CDH10: variants seen among roughly 807,000 people sequenced by gnomAD.
The protein encoded by CDH10 is cadherin 10.
CDH10 carries 30 observed loss-of-function variants against 73.1 expected under a neutral mutation model. That is an observed-to-expected ratio of 0.41 (90% CI 0.31 to 0.56). The LOEUF (loss-of-function observed/expected upper bound fraction) is 0.56, where lower values mean the gene tolerates loss of function less well. Ranked by LOEUF, CDH10 falls within the 20% of genes least tolerant of loss-of-function variation. The probability of loss-of-function intolerance (pLI) is 0.27; values close to 1 mark genes in which losing one functional copy is unlikely to be tolerated. For missense variants in CDH10, 815 were observed against 973.7 expected (o/e 0.84, Z 2.17); for synonymous variants, 345 against 348.2 (o/e 0.99, Z 0.10).
At chr5:24,523,828 C>T (rs565544118) in intron 5 of CDH10, among the ~76,000 whole-genome samples, 4 of 151,996 alleles carry the variant, frequency 2.6e-5, no homozygotes, top group African/African-American at 9.7e-5. Flanking sequence ...AAGACTTAAA[C>T]GGGAAAGTGA....
At chr5:24,588,685 G>A (rs977160299) in intron 2 of CDH10, among the ~76,000 whole-genome samples, 6 of 152,100 alleles carry the variant, frequency 3.9e-5, no homozygotes. Flanking sequence ...CTAACCTGGT[G>A]GACACAGTTG....
chr5:24,524,160 G>T (rs1743441159), intron 5 of CDH10, among the ~76,000 whole-genome samples: 1 of 152,068 alleles, frequency 6.6e-6, no homozygotes, highest in African/African-American at 2.4e-5. Flanking sequence ...TTATGTTTAT[G>T]CTCAGAAATC....
At chr5:24,548,481 T>C (rs114716350) in intron 2 of CDH10, among the ~76,000 whole-genome samples, 2 of 21,430 alleles carry the variant, frequency 9.3e-5, no homozygotes, top group African/African-American at 3.3e-4. Context: ...AGTCCTCCTC[T>C]TTTTTTTTTT....
chr5:24,533,963 T>C (rs1031017049), intron 5 of CDH10, among the ~76,000 whole-genome samples: 1 of 152,016 alleles, frequency 6.6e-6, no homozygotes, highest in Non-Finnish European at 1.5e-5. Context: ...TCAAGAAAAT[T>C]CTATATGAAT....
intron 1 of CDH10, among the ~76,000 whole-genome samples, chr5:24,602,723 T>C (rs145570169): frequency 0.014 from 2,109 of 152,266 alleles, 23 homozygotes; most frequent in Admixed American, 0.023. Flanking sequence ...TAACTTACTC[T>C]CCTGTCTCCT....
At chr5:24,563,245 T>C (rs965021704) in intron 2 of CDH10, among the ~76,000 whole-genome samples, 1 of 152,064 alleles carries the variant, frequency 6.6e-6, no homozygotes, top group African/African-American at 2.4e-5. Flanking sequence ...TCAATTTAGG[T>C]TTGATGTTTC....
chr5:24,623,825 T>C (rs1022866370), intron 1 of CDH10, among the ~76,000 whole-genome samples: 1 of 152,154 alleles, frequency 6.6e-6, no homozygotes, highest in African/African-American at 2.4e-5. Context: ...TCGCAGCATG[T>C]GTCTCTTTTT....
chr5:24,510,409 A>T (rs1742859969), intron 6 of CDH10, among the ~76,000 whole-genome samples: 1 of 152,258 alleles, frequency 6.6e-6, no homozygotes, highest in African/African-American at 2.4e-5. Context: ...TACCTTAAAT[A>T]TTCATATAGT....
At chr5:24,511,265 G>A (rs2111762475) in intron 6 of CDH10, 62 bp downstream of exon 6, 1 of 973,126 alleles carries the variant, frequency 1.0e-6, no homozygotes, top group East Asian at 2.4e-5. Context: ...TGAGCGAAGA[G>A]TATATAATGC....
At chr5:24,540,702 T>C (rs947919478) in intron 2 of CDH10, among the ~76,000 whole-genome samples, 2 of 151,946 alleles carry the variant, frequency 1.3e-5, no homozygotes, top group Admixed American at 6.6e-5. Context: ...TACTATACGA[T>C]TTACTTGAAT....
intron 3 of CDH10, among the ~76,000 whole-genome samples, chr5:24,536,714 T>C (rs1743965991): frequency 6.6e-6 from 1 of 152,028 alleles, no homozygotes; most frequent in African/African-American, 2.4e-5. Context: ...CTTTCTTGAA[T>C]GTTATATTTC....
chr5:24,586,434 CTTTTTTT>C (rs35486231), intron 2 of CDH10, among the ~76,000 whole-genome samples: 23,347 of 100,580 alleles, frequency 0.23, 2,182 homozygotes, highest in Middle Eastern at 0.39. Flanking sequence ...TTATTAACTC[CTTTTTTT>C]TTTTTTTTTT....
chr5:24,614,712 T>G (rs1352218316), intron 1 of CDH10, among the ~76,000 whole-genome samples: 1 of 152,184 alleles, frequency 6.6e-6, no homozygotes, highest in East Asian at 1.9e-4. Flanking sequence ...ACTGCAATAA[T>G]TATCTTTGCC....
rs763322190 is a variant in CDH10, at chr5:24,505,094, A to T, written c.1393+18T>A. 4 of 1,549,816 alleles carry T rather than the reference A, an allele frequency of 2.6e-6. No homozygotes were observed. The East Asian group carries it at 9.0e-5, about 35-fold the overall frequency. On this transcript the variant is annotated intron_variant, in intron 8 of 11. Transcript: ENST00000264463. ...AAACATATCTAGATATATGTTAGATACATAAAATTCATCTTACTGATTTCA... is the reference window on the plus strand; with the variant it reads ...AAACATATCTAGATATATGTTAGATTCATAAAATTCATCTTACTGATTTCA...
chr5:24,609,443 A>C (rs1306755424), intron 1 of CDH10, among the ~76,000 whole-genome samples: 1 of 152,174 alleles, frequency 6.6e-6, no homozygotes, highest in Non-Finnish European at 1.5e-5. Context: ...TGCGCTGAAG[A>C]TGTGACTCAG....
chr5:24,565,196 A>C (rs1303984100), intron 2 of CDH10, among the ~76,000 whole-genome samples: 3 of 152,248 alleles, frequency 2.0e-5, no homozygotes, highest in Admixed American at 6.5e-5. Flanking sequence ...GGAGGAGGAA[A>C]GAAAGCGATG....
At chr5:24,522,663 G>A (rs926901073) in intron 5 of CDH10, among the ~76,000 whole-genome samples, 1 of 152,134 alleles carries the variant, frequency 6.6e-6, no homozygotes, top group African/African-American at 2.4e-5. Context: ...CAAATTTTCA[G>A]CAGCTGCCCA....
chr5:24,498,035 C>T (rs1020720825), intron 9 of CDH10, among the ~76,000 whole-genome samples: 2 of 151,682 alleles, frequency 1.3e-5, no homozygotes, highest in East Asian at 1.9e-4. Flanking sequence ...CCACAGCATT[C>T]GTCTCTCATC....
intron 1 of CDH10, among the ~76,000 whole-genome samples, chr5:24,632,637 G>A (rs891050574): frequency 6.6e-6 from 1 of 151,944 alleles, no homozygotes; most frequent in African/African-American, 2.4e-5. Flanking sequence ...ATTCAAAATA[G>A]AGAAAATAAT....
Sources: allele counts gnomAD v4.1 joint callset (sites outside exome capture counted in the v4.1 genomes callset), GRCh38; gene constraint gnomAD v4.1.1; transcripts MANE v1.5; gene names NCBI Gene and HGNC (gene_info 2026-07-23, HGNC 2026-07-21).